The following VAV2 variants were observed in gnomAD, a reference collection of about 807,000 sequenced individuals.
VAV2 encodes the protein guanine nucleotide exchange factor VAV2.
In VAV2, 67 loss-of-function variants were observed where a neutral mutation model predicts 132.5. The ratio of observed to expected loss-of-function variants is 0.51; its 90% CI spans 0.42 to 0.62. The LOEUF (loss-of-function observed/expected upper bound fraction) is 0.62. Among genes scored for constraint, VAV2 ranks in the 20% least tolerant of loss-of-function variants. The pLI is 0.00. For missense variants in VAV2, 938 were observed against 1,153.6 expected, an observed-to-expected ratio of 0.81 and a Z score of 2.71; for synonymous variants, 492 against 443.5, an observed-to-expected ratio of 1.11 and a Z score of -1.37.
intron 2 of VAV2, among the ~76,000 whole-genome samples, chr9:133,876,019 A>G (rs781304961): frequency 2.6e-5 from 4 of 152,152 alleles, no homozygotes; most frequent in Non-Finnish European, 5.9e-5. Flanking sequence ...TCGGACATCG[A>G]CGCTCGTCGT....
intron 2 of VAV2, 88 bp from the exon 3 acceptor site, chr9:133,861,520 CG>C: frequency 6.8e-7 from 1 of 1,460,586 alleles, no homozygotes; most frequent in South Asian, 1.2e-5. Context: ...TGCAGGACGT[CG>C]AGAACTGTTA....
chr9:133,809,640 C>A (rs573736414), intron 6 of VAV2, among the ~76,000 whole-genome samples: 1 of 152,346 alleles, frequency 6.6e-6, no homozygotes, highest in African/African-American at 2.4e-5. Context: ...CCTGAGTGTC[C>A]ACTGGTTTCT....
chr9:133,847,039 G>C (rs1258573469), intron 3 of VAV2, among the ~76,000 whole-genome samples: 2 of 152,192 alleles, frequency 1.3e-5, no homozygotes, highest in African/African-American at 2.4e-5. Flanking sequence ...GGGTGGGATG[G>C]GGCTGGGCGA....
chr9:133,980,915 C>T (rs1364352261), intron 1 of VAV2, among the ~76,000 whole-genome samples: 1 of 152,232 alleles, frequency 6.6e-6, no homozygotes, highest in Non-Finnish European at 1.5e-5. Context: ...CCCTTAGCTA[C>T]CAAAAGCCAT....
chr9:133,765,820 A>AAC (rs151111251), intron 29 of VAV2, among the ~76,000 whole-genome samples: 19 of 151,920 alleles, frequency 1.3e-4, no homozygotes, highest in South Asian at 8.3e-4. Flanking sequence ...GAAATAGACA[A>AAC]ACACACACAC....
chr9:133,959,448 C>A (rs748391387), intron 1 of VAV2, among the ~76,000 whole-genome samples: 4 of 152,288 alleles, frequency 2.6e-5, no homozygotes, highest in African/African-American at 4.8e-5. Context: ...TCTCACCACC[C>A]CTTTCACACC....
intron 1 of VAV2, among the ~76,000 whole-genome samples, chr9:133,976,293 C>A (rs1842507468): frequency 1.3e-5 from 2 of 152,172 alleles, no homozygotes; most frequent in Non-Finnish European, 2.9e-5. Context: ...GGATGGGGTC[C>A]CTCAACCCCT....
At chr9:133,842,488 C>A (rs1228590662) in intron 3 of VAV2, among the ~76,000 whole-genome samples, 1 of 152,194 alleles carries the variant, frequency 6.6e-6, no homozygotes, top group Non-Finnish European at 1.5e-5. Context: ...ATCTACTGTC[C>A]GGGTTTGCCC....
At chr9:133,901,634 C>T (rs891564410) in intron 2 of VAV2, among the ~76,000 whole-genome samples, 7 of 152,234 alleles carry the variant, frequency 4.6e-5, no homozygotes, top group South Asian at 2.1e-4. Flanking sequence ...AGCAAGGGCC[C>T]GGAGCTGCCC....
Position 133,826,934 on chromosome 9 carries a change from G to A in VAV2, c.449+7338C>T, listed in dbSNP as rs534985313. Among the ~76,000 whole-genome samples the A allele has an allele frequency of 2.0e-5, 3 of 152,216 alleles. No individual in the cohort carries two copies. The highest frequency in any genetic ancestry group is 6.5e-5 in the Admixed American group (1 of 15,296). On this transcript the variant is annotated intron_variant, in intron 4 of 29. Transcript: ENST00000371850. This position sits in a 1 kb window ranked among gnomAD's most constrained non-coding sequence, Gnocchi z 4.2. ...CCTCGCAAGACGCACTCATCACGGC[G>A]CTCTGTGGCACCCAATCCGGGTGCC...
intron 3 of VAV2, among the ~76,000 whole-genome samples, chr9:133,844,252 C>T (rs184847302): frequency 2.2e-4 from 34 of 152,316 alleles, no homozygotes; most frequent in East Asian, 7.7e-4. Context: ...ACACGCTTCT[C>T]GTAAGGGAAC....
At chr9:133,971,556 G>A (rs1460960352) in intron 1 of VAV2, among the ~76,000 whole-genome samples, 1 of 152,130 alleles carries the variant, frequency 6.6e-6, no homozygotes, top group Non-Finnish European at 1.5e-5. Context: ...CCACTGGGGA[G>A]GTGAGTCGTG....
At chr9:133,948,786 T>C (rs1457661919) in intron 1 of VAV2, among the ~76,000 whole-genome samples, 3 of 152,150 alleles carry the variant, frequency 2.0e-5, no homozygotes, top group Admixed American at 6.5e-5. Context: ...GCCCTTGACG[T>C]TCCTCTCTGC....
chr9:133,834,378 C>T lies in VAV2; in HGVS notation c.381-38G>A, dbSNP rs772019130. The T allele has an allele frequency of 5.0e-6, 8 of 1,596,610 alleles. No homozygotes were observed. Among genetic ancestry groups the T allele is most frequent in the Non-Finnish European group, 6.0e-6 (7 of 1,170,766 alleles). On this transcript the variant is annotated intron_variant, in intron 3 of 29. Transcript: ENST00000371850. The surrounding 1 kb of genome is among the most constrained non-coding windows in gnomAD (Gnocchi z 5.9). ...AGGCGAGAGGGAGGTGAGCAGGTCC[C>T]GGCACTGCCGGCCAGTGGGACCCCA...
intron 8 of VAV2, 127 bp downstream of exon 8, chr9:133,807,131 C>T: frequency 9.0e-7 from 1 of 1,113,908 alleles, no homozygotes; most frequent in Non-Finnish European, 1.2e-6. Flanking sequence ...TCCTTCCGGC[C>T]AGCACGAGCC....
At chr9:133,959,822 A>C (rs1588174089) in intron 1 of VAV2, among the ~76,000 whole-genome samples, 1 of 152,128 alleles carries the variant, frequency 6.6e-6, no homozygotes, top group African/African-American at 2.4e-5. Flanking sequence ...CTGGCCAGCC[A>C]AGGAGGGCCC....
chr9:133,920,084 T>C (rs1348724953), intron 2 of VAV2, among the ~76,000 whole-genome samples: 2 of 151,968 alleles, frequency 1.3e-5, no homozygotes, highest in Non-Finnish European at 2.9e-5. Flanking sequence ...GTACTCCCTC[T>C]TACCGCACAC....
intron 22 of VAV2, among the ~76,000 whole-genome samples, chr9:133,777,785 C>T (rs559795630): frequency 6.6e-6 from 1 of 152,198 alleles, no homozygotes; most frequent in Non-Finnish European, 1.5e-5. Context: ...TGGCCTTTTG[C>T]ACCCTCTGAA....
At chr9:133,831,901 CT>C (rs1229072048) in intron 4 of VAV2, among the ~76,000 whole-genome samples, 1 of 152,210 alleles carries the variant, frequency 6.6e-6, no homozygotes, top group Admixed American at 6.5e-5. Flanking sequence ...GTGGTGTCCC[CT>C]CTCTGGACCT....
Sources: allele counts gnomAD v4.1 joint callset (sites outside exome capture counted in the v4.1 genomes callset), GRCh38; gene constraint gnomAD v4.1.1; non-coding constraint Gnocchi (gnomAD v3.1); transcripts MANE v1.5; gene names NCBI Gene and HGNC (gene_info 2026-07-23, HGNC 2026-07-21).